ABR: variants seen among roughly 807,000 people sequenced by gnomAD.
ABR encodes the protein active breakpoint cluster region-related protein.
ABR carries 35 observed loss-of-function variants against 107.2 expected under a neutral mutation model. The ratio of observed to expected loss-of-function variants is 0.33; its 90% CI spans 0.25 to 0.43. ABR has a LOEUF of 0.43. Among genes scored for constraint, ABR ranks in the 20% least tolerant of loss-of-function variants. The pLI is 1.00. For synonymous variants in ABR, 498 were observed against 462.0 expected (o/e 1.08, Z -1.00); for missense variants, 815 against 1,115.2 (o/e 0.73, Z 3.83).
rs916503960 is a variant in ABR at position 1,037,643 on chromosome 17, T to G, written c.1791+12407A>C. 9.2e-5 allele frequency among the ~76,000 whole-genome samples: 14 copies of G among 152,146 alleles called. No individual in the cohort carries two copies. The highest frequency in any genetic ancestry group is 3.4e-4 in the African/African-American group (14 of 41,426). The stretch of plus-strand genomic sequence containing the variant: ...GCTGTCCCTACCGCTGGAGCCCCCC[T>G]GGGCTGCTTGCCTGCTCCTCCTCCC... On this transcript the variant is annotated intron_variant, in intron 16 of 22. Coordinates refer to ENST00000302538, the MANE Select transcript of ABR (RefSeq NM_021962.5). This position sits in a 1 kb window ranked among gnomAD's most constrained non-coding sequence, Gnocchi z 4.6.
At chr17:1,066,229 C>T (rs2034724727) in intron 10 of ABR, among the ~76,000 whole-genome samples, 1 of 152,176 alleles carries the variant, frequency 6.6e-6, no homozygotes, top group East Asian at 1.9e-4. Flanking sequence ...GGTCTGTGAA[C>T]ATGACTTGTA....
chr17:1,197,357 A>T (rs2042589525), intron 1 of ABR, among the ~76,000 whole-genome samples: 1 of 151,484 alleles, frequency 6.6e-6, no homozygotes, highest in African/African-American at 2.4e-5. Context: ...TTTGAAAAAA[A>T]TTGGGCAGGG....
chr17:1,073,988 A>C (rs556543094), intron 6 of ABR, among the ~76,000 whole-genome samples: 1 of 120,152 alleles, frequency 8.3e-6, no homozygotes, highest in African/African-American at 3.2e-5. Flanking sequence ...CACCTGGCTC[A>C]AGGCAGATGC....
intron 2 of ABR, among the ~76,000 whole-genome samples, chr17:1,121,560 C>A (rs987382752): frequency 1.4e-5 from 2 of 138,062 alleles, no homozygotes; most frequent in African/African-American, 6.9e-5. Context: ...AGGCAGGGCT[C>A]TGAGCCCTGC....
chr17:1,030,044 C>T (rs899657354), intron 16 of ABR, among the ~76,000 whole-genome samples: 2 of 152,228 alleles, frequency 1.3e-5, no homozygotes, highest in African/African-American at 4.8e-5. Flanking sequence ...TGCACTGACG[C>T]CAACTGCTCA....
intron 1 of ABR, among the ~76,000 whole-genome samples, chr17:1,195,071 G>C (rs1464963299): frequency 3.2e-4 from 47 of 146,430 alleles, no homozygotes; most frequent in Admixed American, 1.5e-3. Context: ...ACTTTGGGAG[G>C]CCGAGGCGGG....
At chr17:1,042,023 C>G (rs2030613123) in intron 16 of ABR, among the ~76,000 whole-genome samples, 1 of 152,188 alleles carries the variant, frequency 6.6e-6, no homozygotes, top group Non-Finnish European at 1.5e-5. Flanking sequence ...TCCTGCTCAT[C>G]TATTACAGCT....
intron 4 of ABR, 166 bp from the exon 5 acceptor site, chr17:1,083,793 C>T: frequency 1.6e-6 from 1 of 621,942 alleles, no homozygotes; most frequent in Admixed American, 2.4e-5. Context: ...TTACAGTGTC[C>T]CTTTGAACTG....
chr17:1,009,839 C>A, intron 20 of ABR, 55 bp from the exon 21 acceptor site: 7 of 1,497,380 alleles, frequency 4.7e-6, no homozygotes, highest in South Asian at 1.1e-5. Context: ...CCCGCCAGGG[C>A]CCCTGTGGTC....
At chr17:1,091,565 G>A in intron 4 of ABR, 100 bp downstream of exon 4, 2 of 1,355,328 alleles carry the variant, frequency 1.5e-6, no homozygotes, top group Non-Finnish European at 2.0e-6. Flanking sequence ...AGGCCTTCAA[G>A]GAGTCCGAGA....
chr17:1,021,542 A>C (rs1015429750), intron 16 of ABR, among the ~76,000 whole-genome samples: 6 of 152,222 alleles, frequency 3.9e-5, no homozygotes, highest in South Asian at 2.1e-4. Flanking sequence ...GCGGTGGCTC[A>C]CGCCTGTCAT....
chr17:1,140,830 A>G (rs2040256586), intron 1 of ABR, among the ~76,000 whole-genome samples: 1 of 151,736 alleles, frequency 6.6e-6, no homozygotes. Flanking sequence ...TGATCCGCCC[A>G]CCTCGGCTTC....
In ABR at chr17:1,024,586, C is replaced by G. The variant is rs114510073; in HGVS notation, c.1792-11422G>C. Among the ~76,000 whole-genome samples, 367 of 152,180 alleles carry G rather than the reference C, an allele frequency of 2.4e-3. 3 individuals carry two copies. Among genetic ancestry groups the G allele is most frequent in the African/African-American group, 8.3e-3 (346 of 41,544 alleles). ...GGATCCACTGAAGCCAGAAGTTCAA[C>G]ATCAGCCTGCGCAACATAACGAAAC... On this transcript the variant is annotated intron_variant, in intron 16 of 22. Coordinates refer to ENST00000302538, the MANE Select transcript of ABR (RefSeq NM_021962.5).
chr17:1,010,888 G>C lies in ABR; in HGVS notation c.2102-25C>G. 1 of 1,611,922 alleles carries C rather than the reference G, an allele frequency of 6.2e-7. No homozygotes were observed. Among genetic ancestry groups the C allele is most frequent in the Non-Finnish European group, 8.5e-7 (1 of 1,179,804 alleles). On this transcript the variant is annotated intron_variant, in intron 19 of 22. Transcript: ENST00000302538. This position sits in a 1 kb window ranked among gnomAD's most constrained non-coding sequence, Gnocchi z 4.1. Reference sequence around the variant, plus strand: ...TCTGCAGGGGTGGGGCCGAGGTCAGGCAGCCTTAGCTGGGCCAGCAGCCCC... The same window carrying C: ...TCTGCAGGGGTGGGGCCGAGGTCAGCCAGCCTTAGCTGGGCCAGCAGCCCC...
chr17:1,106,553 T>C (rs1199592285), intron 2 of ABR, among the ~76,000 whole-genome samples: 1 of 123,126 alleles, frequency 8.1e-6, no homozygotes, highest in Non-Finnish European at 1.6e-5. Flanking sequence ...TTTTTGAGAC[T>C]GAGTCTCACC....
chr17:1,032,451 A>G (rs1597458623), intron 16 of ABR, among the ~76,000 whole-genome samples: 1 of 152,214 alleles, frequency 6.6e-6, no homozygotes, highest in Non-Finnish European at 1.5e-5. Flanking sequence ...GACGCGGGTC[A>G]CACGTCCAGC....
chr17:1,098,470 A>G (rs8078396), intron 3 of ABR, among the ~76,000 whole-genome samples: 4,431 of 152,258 alleles, frequency 0.029, 220 homozygotes, highest in African/African-American at 0.1. Context: ...CAACAAACCG[A>G]AAGTTCCCTC....
intron 1 of ABR, among the ~76,000 whole-genome samples, chr17:1,217,580 A>G (rs1444517097): frequency 6.6e-6 from 1 of 152,036 alleles, no homozygotes; most frequent in Non-Finnish European, 1.5e-5. Flanking sequence ...GCCTACAAAT[A>G]TAAACACTGA....
intron 16 of ABR, among the ~76,000 whole-genome samples, chr17:1,017,568 A>C (rs113270657): frequency 0.019 from 2,879 of 149,252 alleles, 119 homozygotes; most frequent in African/African-American, 0.068. Context: ...CCCAGGTTCA[A>C]CCGATTCTTC....
Sources: allele counts gnomAD v4.1 joint callset (sites outside exome capture counted in the v4.1 genomes callset), GRCh38; gene constraint gnomAD v4.1.1; non-coding constraint Gnocchi (gnomAD v3.1); transcripts MANE v1.5; gene names NCBI Gene and HGNC (gene_info 2026-07-23, HGNC 2026-07-21).